The following SCHIP1 variants were observed in gnomAD, a reference collection of about 807,000 sequenced individuals.
SCHIP1 encodes the protein schwannomin-interacting protein 1.
A neutral mutation model predicts 29.7 loss-of-function variants in SCHIP1; 8 were observed. That is an observed-to-expected ratio of 0.27 (90% CI 0.16 to 0.49). The LOEUF is 0.49. Among genes scored for constraint, SCHIP1 ranks in the 20% least tolerant of loss-of-function variants. The pLI, the probability that SCHIP1 is intolerant of heterozygous loss-of-function variation, is 0.99. For synonymous variants in SCHIP1, 76 were observed against 94.9 expected (o/e 0.80, Z 1.16); for missense variants, 193 against 294.6 (o/e 0.66, Z 2.52).
At chr3:159,378,020 C>A in the SCHIP1 span, among the ~76,000 whole-genome samples, 1 of 152,180 alleles carries the variant, frequency 6.6e-6, no homozygotes, top group East Asian at 1.9e-4. Context: ...TGATTCACAG[C>A]ATATGAAGGC....
intron 1 of SCHIP1, among the ~76,000 whole-genome samples, chr3:159,863,605 TATG>T (rs1012119309): frequency 6.6e-6 from 1 of 152,184 alleles, no homozygotes; most frequent in African/African-American, 2.4e-5. Context: ...AATGCACACA[TATG>T]ATAAAAACTA....
chr3:159,385,483 G>C, the SCHIP1 span, among the ~76,000 whole-genome samples: 1 of 147,240 alleles, frequency 6.8e-6, no homozygotes, highest in Non-Finnish European at 1.5e-5. Flanking sequence ...CTTGAACCTG[G>C]GAGGTAGAGG....
the SCHIP1 span, among the ~76,000 whole-genome samples, chr3:159,525,375 T>C: frequency 3.3e-5 from 5 of 152,370 alleles, no homozygotes; most frequent in East Asian, 5.8e-4. Context: ...ATGTGTTTCA[T>C]AAATATTTGC....
the SCHIP1 span, among the ~76,000 whole-genome samples, chr3:159,458,644 A>G: frequency 2.9e-4 from 43 of 150,864 alleles, no homozygotes; most frequent in African/African-American, 1.1e-3. Flanking sequence ...AGTTTTCTGG[A>G]TTGAAGCCAA....
the SCHIP1 span, among the ~76,000 whole-genome samples, chr3:159,340,930 C>T: frequency 2.6e-5 from 4 of 152,226 alleles, no homozygotes; most frequent in Admixed American, 2.6e-4. Context: ...CTTTTTTGCA[C>T]TGGTGGTTTT....
the SCHIP1 span, among the ~76,000 whole-genome samples, chr3:159,533,249 T>C: frequency 1.3e-5 from 2 of 151,712 alleles, no homozygotes; most frequent in South Asian, 2.1e-4. Flanking sequence ...AGGCAAGGGG[T>C]TGGGGAAGGG....
At chr3:159,382,004 A>G in the SCHIP1 span, among the ~76,000 whole-genome samples, 11 of 152,182 alleles carry the variant, frequency 7.2e-5, no homozygotes, top group African/African-American at 2.2e-4. Context: ...AGCTGTAGCC[A>G]TAAATGCTTC....
At chr3:159,432,924 C>G in the SCHIP1 span, among the ~76,000 whole-genome samples, 1 of 152,124 alleles carries the variant, frequency 6.6e-6, no homozygotes, top group African/African-American at 2.4e-5. Context: ...ATATGAGTCA[C>G]AGAGTTTCTG....
At chr3:159,756,799 T>G in the SCHIP1 span, among the ~76,000 whole-genome samples, 3 of 152,210 alleles carry the variant, frequency 2.0e-5, no homozygotes, top group Non-Finnish European at 4.4e-5. Flanking sequence ...CCCTAGATCA[T>G]CTCTCTCAAG....
the SCHIP1 span, among the ~76,000 whole-genome samples, chr3:159,385,851 C>G: frequency 6.6e-6 from 1 of 152,108 alleles, no homozygotes; most frequent in East Asian, 1.9e-4. Context: ...CCCTAGCCCC[C>G]CATCCCCTGA....
At chr3:159,793,095 T>C in the SCHIP1 span, among the ~76,000 whole-genome samples, 1 of 152,216 alleles carries the variant, frequency 6.6e-6, no homozygotes, top group African/African-American at 2.4e-5. Context: ...CTTTTGTTAA[T>C]ATGCGACAGG....
the SCHIP1 span, among the ~76,000 whole-genome samples, chr3:159,441,418 G>A: frequency 6.6e-6 from 1 of 152,146 alleles, no homozygotes; most frequent in African/African-American, 2.4e-5. Flanking sequence ...TCATTTTATA[G>A]GTGAGAGAAC....
chr3:159,789,109 T>TTG, the SCHIP1 span, among the ~76,000 whole-genome samples: 3 of 149,724 alleles, frequency 2.0e-5, no homozygotes, highest in African/African-American at 7.4e-5. Context: ...TGTATACAGG[T>TTG]TGTGTGTGTG....
At chr3:159,630,555 C>G in the SCHIP1 span, among the ~76,000 whole-genome samples, 1 of 152,016 alleles carries the variant, frequency 6.6e-6, no homozygotes, top group East Asian at 1.9e-4. Flanking sequence ...AATTGGAGAC[C>G]CTTATTCTAA....
chr3:159,769,614 G>A, the SCHIP1 span, among the ~76,000 whole-genome samples: 1 of 152,082 alleles, frequency 6.6e-6, no homozygotes, highest in Non-Finnish European at 1.5e-5. Context: ...GCCGGGCATG[G>A]TGGCGGGCGC....
the SCHIP1 span, chr3:159,274,023 A>G: frequency 1.4e-6 from 2 of 1,478,954 alleles, no homozygotes; most frequent in South Asian, 1.4e-5. Context: ...AGAATTAAGC[A>G]TTTAAGGTAT....
chr3:159,444,132 A>C, the SCHIP1 span, among the ~76,000 whole-genome samples: 1 of 152,242 alleles, frequency 6.6e-6, no homozygotes, highest in Non-Finnish European at 1.5e-5. Flanking sequence ...AAAGGCAATG[A>C]AGTGTACATC....
chr3:159,337,434 A>G, the SCHIP1 span, among the ~76,000 whole-genome samples: 3 of 152,190 alleles, frequency 2.0e-5, no homozygotes, highest in African/African-American at 7.2e-5. Flanking sequence ...ACATGATTGT[A>G]TATCCAGAAA....
At chr3:159,811,980 G>GT in the SCHIP1 span, among the ~76,000 whole-genome samples, 2,097 of 134,662 alleles carry the variant, frequency 0.016, 55 homozygotes, top group African/African-American at 0.049. Context: ...TTTTGTTTTT[G>GT]TTTTTTTTTT....
Sources: gnomAD v4.1 joint callset for allele counts (sites outside exome capture counted in the v4.1 genomes callset) on GRCh38, gnomAD v4.1.1 for gene constraint, MANE v1.5 for transcripts, NCBI Gene and HGNC (gene_info 2026-07-23, HGNC 2026-07-21) for gene names.